Variants in TP73 observed in about 807,000 individuals in gnomAD.
TP73 encodes tumor protein p73.
TP73 carries 25 observed loss-of-function variants against 62.5 expected under a neutral mutation model. The observed-to-expected ratio is 0.40, with a 90% CI of 0.29 to 0.56. TP73 has a LOEUF of 0.56. TP73 is among the 20% of genes least tolerant of loss of function. The pLI is 0.46. For missense variants in TP73, 754 were observed against 913.3 expected, an observed-to-expected ratio of 0.83 and a Z score of 2.25; for synonymous variants, 423 against 377.5, an observed-to-expected ratio of 1.12 and a Z score of -1.40.
chr1:3,677,644 G>A (rs1645402484), intron 1 of TP73, among the ~76,000 whole-genome samples: 1 of 150,730 alleles, frequency 6.6e-6, no homozygotes, highest in Non-Finnish European at 1.5e-5. Flanking sequence ...CACACTGGAC[G>A]CCCCTGTTAC....
intron 1 of TP73, among the ~76,000 whole-genome samples, chr1:3,654,200 G>C (rs1367473898): frequency 6.6e-6 from 1 of 152,172 alleles, no homozygotes; most frequent in African/African-American, 2.4e-5. Context: ...TAAGATAAAA[G>C]TTGGTGTCAG....
chr1:3,694,927 G>C (rs1196614662), intron 3 of TP73, among the ~76,000 whole-genome samples: 178 of 122,836 alleles, frequency 1.4e-3, no homozygotes, highest in East Asian at 4.3e-3. Flanking sequence ...CGCAATCCCA[G>C]CCCTGCAGCC....
At chr1:3,695,094 C>G (rs6700120) in intron 3 of TP73, among the ~76,000 whole-genome samples, 1 of 152,226 alleles carries the variant, frequency 6.6e-6, no homozygotes, top group East Asian at 1.9e-4. Flanking sequence ...TCTGAGTCTG[C>G]GGCTCCCACG....
In TP73 at chr1:3,724,736, T is replaced by G. The variant is rs1164718828; in HGVS notation, c.732+1267T>G. Among the ~76,000 whole-genome samples, 3 of 152,256 alleles carry G rather than the reference T, an allele frequency of 2.0e-5. No individual in the cohort carries two copies. In the East Asian group the frequency reaches 5.8e-4, roughly 29 times the overall value. On this transcript the variant is annotated intron_variant, in intron 6 of 13. Transcript: ENST00000378295. ...CTCATTGATCAACGGTTTTGGTTCA[T>G]GGCTGGGCGCAGTGGCTCACGCCTG...
intron 4 of TP73, among the ~76,000 whole-genome samples, chr1:3,715,712 GCTGC>G (rs1441122364): frequency 6.6e-6 from 1 of 152,088 alleles, no homozygotes; most frequent in Non-Finnish European, 1.5e-5. Context: ...TTGGGCAAAC[GCTGC>G]CTCGCAGCCT....
chr1:3,657,953 G>T (rs1325792681), intron 1 of TP73, among the ~76,000 whole-genome samples: 7 of 152,222 alleles, frequency 4.6e-5, no homozygotes, highest in Non-Finnish European at 1.5e-5. Flanking sequence ...CGAGACCCGG[G>T]CCCCAGCCCT....
intron 1 of TP73, among the ~76,000 whole-genome samples, chr1:3,671,219 G>A (rs1645233667): frequency 6.6e-6 from 1 of 152,320 alleles, no homozygotes; most frequent in African/African-American, 2.4e-5. Context: ...GCCTGTCCCT[G>A]GAGAGGCGTG....
chr1:3,711,846 A>ATGTG lies in TP73; in HGVS notation c.429+4074_429+4077dup, dbSNP rs3841787. Among the ~76,000 whole-genome samples, 1,411 of 150,206 alleles carry ATGTG rather than the reference A, an allele frequency of 9.4e-3. 26 individuals are homozygous for ATGTG. The highest frequency in any genetic ancestry group is 0.033 in the African/African-American group (1,348 of 40,838). On this transcript the variant is annotated intron_variant, in intron 4 of 13. Transcript: ENST00000378295. ...CGTGTGTGTGTGCGCGAGCGTGTGT[A>ATGTG]TGTGTGTGTGTGTGTGTGTGTGCGC...
At chr1:3,732,328 A>G (rs1055058164) in intron 13 of TP73, among the ~76,000 whole-genome samples, 14 of 152,158 alleles carry the variant, frequency 9.2e-5, no homozygotes, top group African/African-American at 3.1e-4. Context: ...ACCTGTCCCC[A>G]GTGACCCACG....
At chr1:3,690,914 C>T (rs776228283) in intron 3 of TP73, 9 of 1,580,208 alleles carry the variant, frequency 5.7e-6, no homozygotes, top group African/African-American at 2.7e-5. Flanking sequence ...CCATGCTGTA[C>T]GTCGGTGACC....
intron 7 of TP73, 43 bp from the exon 8 acceptor site, chr1:3,727,585 G>A: frequency 1.3e-6 from 2 of 1,573,208 alleles, no homozygotes; most frequent in Non-Finnish European, 1.7e-6. Context: ...GGTTGAGGGT[G>A]GGCAGGGTTG....
Position 3,732,848 on chromosome 1 carries a change from G to A in TP73, c.1680G>A (p.Leu560=), listed in dbSNP as rs767044734. ...ACGACTACAGCACCGCGCAGCAGCT[G>A]CTCCGCTCTAGCAACGCGGCCACCA... The part of the protein sequence containing the change: ...QGHDYSTAQQ[L]LRSSNAATIS... Residue 560 remains leucine (L), a synonymous_variant, in exon 14 of 14, where the codon CTG becomes CTA. Transcript: ENST00000378295. 2.0e-5 allele frequency: 32 copies of A among 1,611,936 alleles called. No homozygotes were observed. Among genetic ancestry groups the A allele is most frequent in the Non-Finnish European group, 2.6e-5 (31 of 1,179,692 alleles).
intron 4 of TP73, among the ~76,000 whole-genome samples, chr1:3,716,259 C>G (rs1225015910): frequency 6.6e-6 from 1 of 152,196 alleles, no homozygotes; most frequent in East Asian, 1.9e-4. Flanking sequence ...GGGGTGCCAG[C>G]AGACACATCT....
chr1:3,716,155 G>T (rs1330859166), intron 4 of TP73, among the ~76,000 whole-genome samples: 1 of 152,208 alleles, frequency 6.6e-6, no homozygotes, highest in Non-Finnish European at 1.5e-5. Context: ...CCTCCGTCAG[G>T]GCTGAGGATC....
At chr1:3,692,570 G>T (rs970078990) in intron 3 of TP73, among the ~76,000 whole-genome samples, 13 of 152,136 alleles carry the variant, frequency 8.5e-5, no homozygotes, top group African/African-American at 3.1e-4. Context: ...CTCCTGGGGG[G>T]CTGCCTTGTA....
chr1:3,711,839 C>CGTGTGTGTGTGT (rs533054348), intron 4 of TP73, among the ~76,000 whole-genome samples: 2,204 of 146,142 alleles, frequency 0.015, 27 homozygotes, highest in Non-Finnish European at 0.023. Flanking sequence ...TGTGCGCGAG[C>CGTGTGTGTGTGT]GTGTGTATGT....
chr1:3,703,106 C>T (rs904179055), intron 3 of TP73, among the ~76,000 whole-genome samples: 12 of 152,160 alleles, frequency 7.9e-5, no homozygotes, highest in Non-Finnish European at 1.5e-4. Context: ...AGAAAGCCCC[C>T]TACACTTCCC....
rs765967552 is a variant in TP73 at position 3,701,842 on chromosome 1, G to T, written c.187-5707G>T. Among the ~76,000 whole-genome samples the T allele has an allele frequency of 6.6e-6, 1 of 152,200 alleles. No individual in the cohort carries two copies. The highest frequency in any genetic ancestry group is 1.5e-5 in the Non-Finnish European group (1 of 68,040). ...TTGATTTCATCCCCACTCTGCAGATGAGAAAACGAAGACCTAGGGAGGTGG... is the reference window on the plus strand; with the variant it reads ...TTGATTTCATCCCCACTCTGCAGATTAGAAAACGAAGACCTAGGGAGGTGG... On this transcript the variant is annotated intron_variant, in intron 3 of 13. Transcript: ENST00000378295. This position sits in a 1 kb window ranked among gnomAD's most constrained non-coding sequence, Gnocchi z 4.7.
At chr1:3,731,946 G>A (rs988673226) in intron 13 of TP73, among the ~76,000 whole-genome samples, 2 of 152,238 alleles carry the variant, frequency 1.3e-5, no homozygotes, top group African/African-American at 4.8e-5. Flanking sequence ...ACAGGAAAGG[G>A]GACCTAGGGA....
Sources: allele counts gnomAD v4.1 joint callset (sites outside exome capture counted in the v4.1 genomes callset), GRCh38; gene constraint gnomAD v4.1.1; non-coding constraint Gnocchi (gnomAD v3.1); transcripts MANE v1.5; gene names NCBI Gene and HGNC (gene_info 2026-07-23, HGNC 2026-07-21).